Variants in TMEM67 observed in about 807,000 individuals in gnomAD.
The protein encoded by TMEM67 is transmembrane protein 67.
TMEM67 carries 124 observed loss-of-function variants against 136.6 expected under a neutral mutation model. The observed-to-expected ratio is 0.91, with a 90% CI of 0.78 to 1.05. The LOEUF is 1.05. Among genes scored for constraint, TMEM67 ranks in the 50% least tolerant of loss-of-function variants. TMEM67 has a pLI of 0.00. For missense variants in TMEM67, 1,107 were observed against 1,178.4 expected (o/e 0.94, Z 0.89); for synonymous variants, 364 against 390.5 (o/e 0.93, Z 0.80).
At chr8:93,779,307 C>T (rs1289881228) in intron 7 of TMEM67, among the ~76,000 whole-genome samples, 2 of 152,156 alleles carry the variant, frequency 1.3e-5, no homozygotes, top group African/African-American at 4.8e-5. Context: ...GAACATCCTC[C>T]TTTAGCTCAG....
chr8:93,782,908 T>G (rs576242564), intron 11 of TMEM67, among the ~76,000 whole-genome samples: 3 of 152,268 alleles, frequency 2.0e-5, no homozygotes, highest in African/African-American at 7.2e-5. Flanking sequence ...ATAATTTCAC[T>G]ATTTAATATA....
chr8:93,783,347 C>T (rs1367003215), intron 11 of TMEM67, among the ~76,000 whole-genome samples: 3 of 152,074 alleles, frequency 2.0e-5, no homozygotes, highest in Non-Finnish European at 4.4e-5. Context: ...TGCTTCTAGG[C>T]TTATAGGTCT....
intron 11 of TMEM67, among the ~76,000 whole-genome samples, 164 bp from the exon 12 acceptor site, chr8:93,785,058 A>G (rs890538956): frequency 6.6e-6 from 1 of 152,226 alleles, no homozygotes; most frequent in Admixed American, 6.5e-5. Context: ...ATGAAAATGC[A>G]TATAAACAAG....
intron 20 of TMEM67, among the ~76,000 whole-genome samples, chr8:93,798,225 T>A (rs1814706674): frequency 6.6e-6 from 1 of 152,210 alleles, no homozygotes; most frequent in Non-Finnish European, 1.5e-5. Context: ...CTGGTTTGTA[T>A]CAGAATCCCT....
intron 26 of TMEM67, 199 bp downstream of exon 26, chr8:93,810,086 A>T: frequency 2.5e-6 from 1 of 394,098 alleles, no homozygotes; most frequent in East Asian, 4.9e-5. Flanking sequence ...CTCTTGCCTC[A>T]GCTTCCCAAG....
At chr8:93,786,435 A>G (rs1814107578) in intron 13 of TMEM67, 89 bp downstream of exon 13, 2 of 1,446,312 alleles carry the variant, frequency 1.4e-6, no homozygotes, top group Admixed American at 3.4e-5. Context: ...AATAAGGACA[A>G]CTGAATTGGA....
chr8:93,791,863 CT>C (rs1031581359), intron 15 of TMEM67: 2 of 152,504 alleles, frequency 1.3e-5, no homozygotes, highest in African/African-American at 4.8e-5. Context: ...TATTCTCCCC[CT>C]CTCATTTTTT....
At position 93,815,327 on chromosome 8, in the gene TMEM67, T is replaced by C. The variant is rs1197717166; in HGVS notation, c.2787T>C (p.Ser929=). The change falls in exon 27 of 28, where the codon AGT becomes AGC. Residue 929 remains serine (S), a synonymous_variant. Transcript: ENST00000453321. The part of the protein sequence containing the change: ...FYNDEGYSFS[S]VLYYGNEATL... ...TAGATGAAGGTTATTCTTTCAGCAG[T>C]GTCCTGTATTATGGAAATGAAGCTA... The C allele has an allele frequency of 6.3e-7, 1 of 1,593,136 alleles. No individual in the cohort carries two copies. Among genetic ancestry groups the C allele is most frequent in the African/African-American group, 1.3e-5 (1 of 74,670 alleles).
chr8:93,821,681 T>C (rs1809043660), downstream of TMEM67, among the ~76,000 whole-genome samples: 1 of 152,148 alleles, frequency 6.6e-6, no homozygotes, highest in Non-Finnish European at 1.5e-5. Flanking sequence ...GGTGGATCAC[T>C]TGATCTCAGG....
intron 1 of TMEM67, 111 bp from the exon 2 acceptor site, chr8:93,755,667 C>A: frequency 2.7e-6 from 2 of 746,862 alleles, no homozygotes; most frequent in Non-Finnish European, 4.5e-6. Flanking sequence ...CTGTTAATCA[C>A]TATACTGCTT....
the TMEM67 span, among the ~76,000 whole-genome samples, chr8:93,831,686 A>ATGTG: frequency 5.3e-5 from 8 of 150,970 alleles, no homozygotes; most frequent in Admixed American, 4.6e-4. Flanking sequence ...GTGTGTGTGC[A>ATGTG]TGTGTGTGTG....
chr8:93,796,993 G>A (rs767410350), intron 18 of TMEM67, 141 bp from the exon 19 acceptor site: 1 of 664,756 alleles, frequency 1.5e-6, no homozygotes, highest in Admixed American at 2.2e-5. Context: ...TTCCTTAGTG[G>A]TATTATAACT....
intron 23 of TMEM67, among the ~76,000 whole-genome samples, chr8:93,807,708 G>T (rs1156898644): frequency 1.3e-5 from 2 of 151,928 alleles, no homozygotes; most frequent in Admixed American, 6.6e-5. Flanking sequence ...AAATAGAGAA[G>T]TTCACTACAT....
chr8:93,772,745 A>G (rs760171475), intron 7 of TMEM67, 94 bp downstream of exon 7: 4 of 901,096 alleles, frequency 4.4e-6, no homozygotes, highest in East Asian at 2.7e-5. Context: ...CTAAGTAGCT[A>G]TAGCTTCTTG....
chr8:93,809,650 C>T (rs1808617312), intron 25 of TMEM67, 135 bp from the exon 26 acceptor site: 1 of 627,218 alleles, frequency 1.6e-6, no homozygotes, highest in South Asian at 2.0e-5. Context: ...AATGTAGTAA[C>T]TTCAGTCTTT....
At chr8:93,764,932 TAAAC>T (rs533122710) in intron 4 of TMEM67, among the ~76,000 whole-genome samples, 2 of 152,348 alleles carry the variant, frequency 1.3e-5, no homozygotes, top group South Asian at 2.1e-4. Context: ...TTTTCTAAAA[TAAAC>T]AAAGATGGTA....
intron 6 of TMEM67, among the ~76,000 whole-genome samples, chr8:93,770,538 A>G (rs1350913072): frequency 6.6e-6 from 1 of 152,150 alleles, no homozygotes; most frequent in Non-Finnish European, 1.5e-5. Context: ...AATCTAGAAC[A>G]TATCCCTGCT....
chr8:93,831,181 A>G, the TMEM67 span, among the ~76,000 whole-genome samples: 1 of 152,230 alleles, frequency 6.6e-6, no homozygotes, highest in Non-Finnish European at 1.5e-5. Context: ...AAGAGGAGAC[A>G]ACCCATGTGA....
chr8:93,781,257 C>G (rs1010939078), intron 9 of TMEM67, among the ~76,000 whole-genome samples: 1 of 152,150 alleles, frequency 6.6e-6, no homozygotes, highest in Non-Finnish European at 1.5e-5. Flanking sequence ...AATCTCTGTC[C>G]TGTTTTTTCC....
Sources: gnomAD v4.1 joint callset for allele counts (sites outside exome capture counted in the v4.1 genomes callset) on GRCh38, gnomAD v4.1.1 for gene constraint, MANE v1.5 for transcripts, NCBI Gene and HGNC (gene_info 2026-07-23, HGNC 2026-07-21) for gene names.